Variants in RORA observed in about 807,000 individuals in gnomAD.
RORA encodes the protein nuclear receptor ROR-alpha.
Under a neutral mutation model 69.5 loss-of-function variants are expected in RORA, and 7 were observed. The observed-to-expected ratio is 0.10, with a 90% CI of 0.06 to 0.19. The LOEUF (loss-of-function observed/expected upper bound fraction) is 0.19. Ranked by LOEUF, RORA falls within the 10% of genes least tolerant of loss-of-function variation. The probability of loss-of-function intolerance (pLI) is 1.00; values close to 1 mark genes in which losing one functional copy is unlikely to be tolerated. For synonymous variants in RORA, 261 were observed against 240.8 expected (o/e 1.08, Z -0.78); for missense variants, 457 against 663.0 (o/e 0.69, Z 3.41).
intron 1 of RORA, among the ~76,000 whole-genome samples, chr15:61,184,773 C>T (rs574057622): frequency 3.3e-5 from 5 of 151,952 alleles, no homozygotes; most frequent in Non-Finnish European, 5.9e-5. Context: ...TTACTTGAGG[C>T]CAGATTGTTC....
At chr15:61,048,878 C>A (rs1897165972) in intron 1 of RORA, among the ~76,000 whole-genome samples, 1 of 152,110 alleles carries the variant, frequency 6.6e-6, no homozygotes, top group Admixed American at 6.6e-5. Flanking sequence ...CAAGGATCAT[C>A]CTGATGCAAA....
chr15:60,623,922 T>A (rs1013035444), intron 2 of RORA, among the ~76,000 whole-genome samples: 8 of 152,152 alleles, frequency 5.3e-5, no homozygotes, highest in Non-Finnish European at 7.4e-5. Context: ...GTTTTCTGTA[T>A]CTGAAATATG....
At chr15:61,012,849 C>T (rs761153906) in intron 1 of RORA, among the ~76,000 whole-genome samples, 2 of 152,112 alleles carry the variant, frequency 1.3e-5, no homozygotes, top group Non-Finnish European at 2.9e-5. Context: ...GGAGTTTCAC[C>T]ATGTTGCCCA....
intron 4 of RORA, 151 bp downstream of exon 4, chr15:60,514,465 T>A (rs545115448): frequency 7.0e-6 from 5 of 709,314 alleles, no homozygotes; most frequent in Non-Finnish European, 1.2e-5. Context: ...GTGAGTTCCA[T>A]GTAGCTGCCA....
chr15:60,914,931 G>A (rs1489597194), intron 1 of RORA, among the ~76,000 whole-genome samples: 1 of 152,184 alleles, frequency 6.6e-6, no homozygotes, highest in African/African-American at 2.4e-5. Flanking sequence ...GGCACTTATT[G>A]GGTATTGGGC....
At chr15:60,985,342 G>T (rs7166090) in intron 1 of RORA, among the ~76,000 whole-genome samples, 128,689 of 152,070 alleles carry the variant, frequency 0.85, 54,889 homozygotes, top group East Asian at 1. Context: ...ATTAAATGTC[G>T]TCTCATTTTT....
At chr15:61,203,666 T>C (rs1274423139) in intron 1 of RORA, among the ~76,000 whole-genome samples, 6 of 152,132 alleles carry the variant, frequency 3.9e-5, no homozygotes, top group African/African-American at 1.4e-4. Context: ...ACGAACATTC[T>C]AGAATTAAAG....
At chr15:60,555,756 C>CTT (rs892495595) in intron 2 of RORA, among the ~76,000 whole-genome samples, 2 of 151,410 alleles carry the variant, frequency 1.3e-5, no homozygotes, top group Admixed American at 1.3e-4. Context: ...TTTTTTTTTC[C>CTT]TTTTTTCTTA....
chr15:61,172,078 T>G (rs962426335), intron 1 of RORA, among the ~76,000 whole-genome samples: 1 of 152,106 alleles, frequency 6.6e-6, no homozygotes, highest in Non-Finnish European at 1.5e-5. Context: ...AAGCATTTTA[T>G]GAGAACAATA....
chr15:60,499,607 G>A (rs527915435), intron 10 of RORA, among the ~76,000 whole-genome samples: 1 of 152,286 alleles, frequency 6.6e-6, no homozygotes, highest in African/African-American at 2.4e-5. Flanking sequence ...TCTGCTTTAT[G>A]CCTAACTTTG....
intron 1 of RORA, among the ~76,000 whole-genome samples, chr15:60,823,562 A>G (rs2072921700): frequency 6.6e-6 from 1 of 152,204 alleles, no homozygotes; most frequent in African/African-American, 2.4e-5. Flanking sequence ...CAACAAATGG[A>G]TGGATAGACA....
At chr15:60,826,594 C>A (rs1415402354) in intron 1 of RORA, among the ~76,000 whole-genome samples, 1 of 151,798 alleles carries the variant, frequency 6.6e-6, no homozygotes, top group African/African-American at 2.4e-5. Context: ...TTTAGCAGCT[C>A]CTGCTACTAA....
chr15:60,793,723 G>A (rs935660492), intron 1 of RORA, among the ~76,000 whole-genome samples: 1 of 152,208 alleles, frequency 6.6e-6, no homozygotes, highest in African/African-American at 2.4e-5. Context: ...TTTCACTTGG[G>A]GGAGAATTTA....
At chr15:60,578,981 TCTC>T (rs1422037768) in intron 2 of RORA, among the ~76,000 whole-genome samples, 4 of 151,862 alleles carry the variant, frequency 2.6e-5, no homozygotes, top group Non-Finnish European at 5.9e-5. Flanking sequence ...GCCAAGATGG[TCTC>T]GATCTCCTGA....
At chr15:60,627,430 T>G in intron 2 of RORA, 1 of 1,609,810 alleles carries the variant, frequency 6.2e-7, no homozygotes, top group Non-Finnish European at 8.5e-7. Context: ...TTTGCCCCAG[T>G]GTACTATGGA....
At chr15:60,855,658 G>A (rs970550329) in intron 1 of RORA, among the ~76,000 whole-genome samples, 2 of 151,262 alleles carry the variant, frequency 1.3e-5, no homozygotes, top group Non-Finnish European at 2.9e-5. Context: ...TCGCTCTGTC[G>A]CCCAGGCTGG....
At chr15:60,561,922 T>C (rs1173730625) in intron 2 of RORA, among the ~76,000 whole-genome samples, 3 of 151,998 alleles carry the variant, frequency 2.0e-5, no homozygotes, top group Admixed American at 1.3e-4. Context: ...CAATAGCTTA[T>C]GGGTTTAACA....
chr15:60,994,906 T>C (rs1000356042), intron 1 of RORA, among the ~76,000 whole-genome samples: 9 of 152,024 alleles, frequency 5.9e-5, no homozygotes, highest in Admixed American at 6.6e-5. Flanking sequence ...TATTGGGGCA[T>C]TGGGGTGTCA....
At chr15:60,947,095 T>C (rs560253771) in intron 1 of RORA, among the ~76,000 whole-genome samples, 49 of 142,966 alleles carry the variant, frequency 3.4e-4, no homozygotes, top group South Asian at 2.2e-3. Context: ...CCAGCCGCCC[T>C]GTCCGGGAGG....
Sources: allele counts gnomAD v4.1 joint callset (sites outside exome capture counted in the v4.1 genomes callset), GRCh38; gene constraint gnomAD v4.1.1; transcripts MANE v1.5; gene names NCBI Gene and HGNC (gene_info 2026-07-23, HGNC 2026-07-21).